MSRA: variants seen among roughly 807,000 people sequenced by gnomAD.
The protein encoded by MSRA is methionine sulfoxide reductase A, also known as mitochondrial peptide methionine sulfoxide reductase.
Under a neutral mutation model 31.3 loss-of-function variants are expected in MSRA, and 54 were observed. The ratio of observed to expected loss-of-function variants is 1.73; its 90% CI spans 1.39 to 2.17. The LOEUF (loss-of-function observed/expected upper bound fraction) is 2.17. Ranked by LOEUF, MSRA falls within the 30% of genes most tolerant of loss-of-function variation. MSRA has a pLI of 0.00. For missense variants in MSRA, 507 were observed against 300.9 expected (o/e 1.69, Z -5.07); for synonymous variants, 169 against 116.5 (o/e 1.45, Z -2.90).
chr8:10,350,422 T>C (rs1402451319), intron 5 of MSRA, among the ~76,000 whole-genome samples: 1 of 152,218 alleles, frequency 6.6e-6, no homozygotes, highest in Non-Finnish European at 1.5e-5. Context: ...TGACGGTTCT[T>C]GCTGGCTTCC....
intron 1 of MSRA, among the ~76,000 whole-genome samples, chr8:10,137,342 A>G (rs1243083070): frequency 2.0e-5 from 3 of 152,066 alleles, no homozygotes; most frequent in South Asian, 2.1e-4. Context: ...GGTGCCTGCC[A>G]TTTTTCACGG....
intron 2 of MSRA, among the ~76,000 whole-genome samples, chr8:10,239,121 G>T (rs1356343871): frequency 6.6e-6 from 1 of 152,086 alleles, no homozygotes; most frequent in Non-Finnish European, 1.5e-5. Flanking sequence ...TATACTATGT[G>T]AAGAGATGCT....
chr8:10,127,972 C>T (rs1801620736), intron 1 of MSRA, among the ~76,000 whole-genome samples: 1 of 152,000 alleles, frequency 6.6e-6, no homozygotes, highest in Admixed American at 6.6e-5. Flanking sequence ...CAGTGTTTCA[C>T]ACTGGGGCAA....
In MSRA at chr8:10,354,596, C is replaced by T. The variant is rs185741730; in HGVS notation, c.543+34607C>T. ...CCTTAAACAATAGAATCAGTATATT[C>T]GTGAAATATCGGTCAGTAAAATCAG... On this transcript the variant is annotated intron_variant, in intron 5 of 5. Coordinates refer to ENST00000317173, the MANE Select transcript of MSRA (RefSeq NM_012331.5). 3.2e-4 allele frequency among the ~76,000 whole-genome samples: 48 copies of T among 152,060 alleles called. No individual in the cohort carries two copies. In the East Asian group the frequency reaches 8.5e-3, roughly 27 times the overall value.
At chr8:10,353,551 T>C (rs1345370332) in intron 5 of MSRA, 4 of 454,922 alleles carry the variant, frequency 8.8e-6, no homozygotes, top group South Asian at 1.6e-5. Flanking sequence ...CTGACGTTTC[T>C]GTAACGAGAT....
intron 1 of MSRA, among the ~76,000 whole-genome samples, chr8:10,136,312 G>C (rs1802273833): frequency 6.6e-6 from 1 of 152,154 alleles, no homozygotes; most frequent in African/African-American, 2.4e-5. Context: ...GACTTCTGGG[G>C]AGAAAGGGTT....
At chr8:10,256,140 C>T (rs1014208503) in intron 3 of MSRA, among the ~76,000 whole-genome samples, 1 of 152,184 alleles carries the variant, frequency 6.6e-6, no homozygotes, top group Non-Finnish European at 1.5e-5. Context: ...CCATCCTCCC[C>T]CCCCAACCCC....
intron 1 of MSRA, among the ~76,000 whole-genome samples, chr8:10,082,842 C>G (rs899325142): frequency 6.6e-6 from 1 of 152,194 alleles, no homozygotes; most frequent in Non-Finnish European, 1.5e-5. Flanking sequence ...CCCTGGAGCA[C>G]CCACCAAAGT....
At chr8:10,304,800 C>T (rs1034767742) in intron 4 of MSRA, among the ~76,000 whole-genome samples, 4 of 152,164 alleles carry the variant, frequency 2.6e-5, no homozygotes, top group Non-Finnish European at 5.9e-5. Flanking sequence ...ACTGACTGTT[C>T]TTACTCAGAA....
At chr8:10,428,082 T>G in intron 5 of MSRA, 66 bp from the exon 6 acceptor site, 1 of 1,543,382 alleles carries the variant, frequency 6.5e-7, no homozygotes, top group Non-Finnish European at 8.7e-7. Flanking sequence ...GGCCCCTCAG[T>G]GCCACCCCTC....
intron 5 of MSRA, among the ~76,000 whole-genome samples, chr8:10,368,267 C>A (rs890929689): frequency 2.0e-5 from 3 of 152,236 alleles, no homozygotes; most frequent in African/African-American, 4.8e-5. Context: ...CAGAGTGAGT[C>A]ATTTTAAGGC....
intron 5 of MSRA, among the ~76,000 whole-genome samples, chr8:10,404,462 C>T (rs1022132548): frequency 4.6e-5 from 7 of 152,358 alleles, no homozygotes; most frequent in African/African-American, 7.2e-5. Flanking sequence ...CGCCCGCCCA[C>T]GTGGATGGCT....
chr8:10,412,693 GA>G (rs1163630777), intron 5 of MSRA, among the ~76,000 whole-genome samples: 1 of 152,192 alleles, frequency 6.6e-6, no homozygotes, highest in African/African-American at 2.4e-5. Flanking sequence ...TTTGTATACA[GA>G]AGGCAAATAG....
intron 5 of MSRA, among the ~76,000 whole-genome samples, chr8:10,373,817 G>A (rs917944789): frequency 6.6e-6 from 1 of 152,230 alleles, no homozygotes; most frequent in Non-Finnish European, 1.5e-5. Flanking sequence ...ACCTGGTAGG[G>A]TGGGCTGTTG....
At chr8:10,072,907 T>G (rs971999390) in intron 1 of MSRA, among the ~76,000 whole-genome samples, 3 of 152,234 alleles carry the variant, frequency 2.0e-5, no homozygotes, top group African/African-American at 7.2e-5. Context: ...ACCTGTTCAT[T>G]GATAGTATTT....
intron 1 of MSRA, among the ~76,000 whole-genome samples, chr8:10,102,549 C>A (rs1585150198): frequency 6.6e-6 from 1 of 152,308 alleles, no homozygotes; most frequent in East Asian, 1.9e-4. Context: ...TGGCTACTTT[C>A]AAATCCTTGT....
intron 2 of MSRA, among the ~76,000 whole-genome samples, chr8:10,211,313 T>C (rs555638872): frequency 6.6e-6 from 1 of 152,338 alleles, no homozygotes; most frequent in South Asian, 2.1e-4. Context: ...GATTTTCTTA[T>C]GTAGCCCAAC....
intron 5 of MSRA, among the ~76,000 whole-genome samples, chr8:10,358,412 T>C (rs1804636553): frequency 6.6e-6 from 1 of 152,184 alleles, no homozygotes; most frequent in African/African-American, 2.4e-5. Flanking sequence ...TTTGTGGCTA[T>C]GTCATATTTG....
chr8:10,250,197 T>A (rs1797844443), intron 3 of MSRA, among the ~76,000 whole-genome samples: 1 of 152,186 alleles, frequency 6.6e-6, no homozygotes, highest in African/African-American at 2.4e-5. Flanking sequence ...TACATTGATT[T>A]TAGAAGTAAT....
Sources: gnomAD v4.1 joint callset for allele counts (sites outside exome capture counted in the v4.1 genomes callset) on GRCh38, gnomAD v4.1.1 for gene constraint, MANE v1.5 for transcripts, NCBI Gene and HGNC (gene_info 2026-07-23, HGNC 2026-07-21) for gene names.